TENM2: variants seen among roughly 807,000 people sequenced by gnomAD.
TENM2 encodes the protein teneurin-2.
TENM2 carries 52 observed loss-of-function variants against 245.2 expected under a neutral mutation model. The ratio of observed to expected loss-of-function variants is 0.21; its 90% CI spans 0.17 to 0.27. TENM2 has a LOEUF of 0.27. Ranked by LOEUF, TENM2 falls within the 10% of genes least tolerant of loss-of-function variation. TENM2 has a pLI of 1.00. For synonymous variants in TENM2, 1,363 were observed against 1,438.9 expected (o/e 0.95, Z 1.19); for missense variants, 3,046 against 3,666.8 (o/e 0.83, Z 4.37).
At chr5:168,220,821 G>A (rs1014173012) in intron 23 of TENM2, among the ~76,000 whole-genome samples, 2 of 152,186 alleles carry the variant, frequency 1.3e-5, no homozygotes, top group African/African-American at 4.8e-5. Context: ...TACTAGAAAA[G>A]TCTGTCCTGG....
intron 2 of TENM2, among the ~76,000 whole-genome samples, chr5:167,491,857 G>A (rs184300292): frequency 9.1e-4 from 139 of 152,098 alleles, no homozygotes; most frequent in Admixed American, 4.3e-3. Flanking sequence ...AAGTCATCAA[G>A]CGAATGAACA....
chr5:168,207,799 TG>T, intron 19 of TENM2, among the ~76,000 whole-genome samples: 1 of 152,314 alleles, frequency 6.6e-6, no homozygotes, highest in Non-Finnish European at 1.5e-5. Flanking sequence ...AATGTTTCCA[TG>T]GTTCTCTCAC....
chr5:167,297,941 T>C (rs2127730361), intron 1 of TENM2, among the ~76,000 whole-genome samples: 1 of 152,198 alleles, frequency 6.6e-6, no homozygotes, highest in East Asian at 1.9e-4. Flanking sequence ...TCATTTCTTT[T>C]GTGGTGGAAT....
At chr5:167,154,041 T>C in the TENM2 span, among the ~76,000 whole-genome samples, 1 of 152,204 alleles carries the variant, frequency 6.6e-6, no homozygotes, top group South Asian at 2.1e-4. Context: ...GGTCTCTTTG[T>C]GCTTGAAATG....
At chr5:168,035,123 T>A (rs1048283030) in intron 5 of TENM2, among the ~76,000 whole-genome samples, 8 of 152,216 alleles carry the variant, frequency 5.3e-5, no homozygotes, top group African/African-American at 1.9e-4. Context: ...TTTATGTTGA[T>A]TTTATGTTGA....
At chr5:167,576,812 C>A (rs754947416) in intron 2 of TENM2, among the ~76,000 whole-genome samples, 1 of 152,050 alleles carries the variant, frequency 6.6e-6, no homozygotes, top group East Asian at 1.9e-4. Context: ...ACTGTTTTCC[C>A]ACTGAATATT....
In TENM2 at chr5:168,247,981, T is replaced by C; in HGVS notation, c.7042T>C (p.Tyr2348His). The change falls in exon 27 of 29, where the codon TAC becomes CAC. Residue 2348 changes from tyrosine (Y) to histidine (H), a missense_variant. By Grantham distance (83) the Tyr-to-His change is moderately conservative. Transcript: ENST00000518659. This position sits in a 1 kb window ranked among gnomAD's most constrained non-coding sequence, Gnocchi z 7.8. ...CAACTCGGAGATTACCTCACTGTAC[T>C]ACGACCTCCAGGGCCACCTCTTTGC... 1.2e-6 allele frequency: 2 copies of C among 1,613,960 alleles called. No individual in the cohort carries two copies. The highest frequency in any genetic ancestry group is 2.2e-5 in the South Asian group (2 of 91,074).
At chr5:167,679,727 C>A (rs1756573807) in intron 2 of TENM2, among the ~76,000 whole-genome samples, 1 of 149,606 alleles carries the variant, frequency 6.7e-6, no homozygotes, top group Non-Finnish European at 1.5e-5. Context: ...TATTGTGGAC[C>A]AGTATTTTGC....
At chr5:167,002,666 CA>C in the TENM2 span, among the ~76,000 whole-genome samples, 13 of 143,004 alleles carry the variant, frequency 9.1e-5, no homozygotes, top group Admixed American at 3.5e-4. Context: ...ACCAAAAAAA[CA>C]AAAAAAAAAC....
intron 2 of TENM2, among the ~76,000 whole-genome samples, chr5:167,591,365 G>T (rs1775864645): frequency 6.6e-6 from 1 of 152,140 alleles, no homozygotes; most frequent in African/African-American, 2.4e-5. Flanking sequence ...ATATTATTTG[G>T]TTTGATGGTT....
chr5:167,898,877 G>A (rs1310603665), intron 3 of TENM2, among the ~76,000 whole-genome samples: 4 of 152,160 alleles, frequency 2.6e-5, no homozygotes, highest in Non-Finnish European at 1.5e-5. Context: ...TGGGAGGGAA[G>A]GAGATCTTCG....
the TENM2 span, among the ~76,000 whole-genome samples, chr5:167,262,509 T>C: frequency 1.3e-5 from 2 of 152,090 alleles, no homozygotes; most frequent in South Asian, 2.1e-4. Flanking sequence ...CAATAGTGCA[T>C]AATTGCTCCT....
intron 12 of TENM2, among the ~76,000 whole-genome samples, chr5:168,132,586 C>A (rs1754689477): frequency 6.6e-6 from 1 of 152,164 alleles, no homozygotes; most frequent in Admixed American, 6.5e-5. Flanking sequence ...GCCAAGCTTG[C>A]TGAGTCAATA....
At position 168,065,524 on chromosome 5, in the gene TENM2, G is replaced by A. The variant is rs369078339; in HGVS notation, c.1515+3259G>A. 9.9e-5 allele frequency among the ~76,000 whole-genome samples: 15 copies of A among 152,248 alleles called. No homozygotes were observed. The South Asian group carries it at 1.9e-3, about 19-fold the overall frequency. On this transcript the variant is annotated intron_variant, in intron 7 of 28. Transcript: ENST00000518659. ...GGGAAAACCCTTTGTAAACGAAAGCGCAATAGAAAGCTATGATATATGAGT... is the reference window on the plus strand; with the variant it reads ...GGGAAAACCCTTTGTAAACGAAAGCACAATAGAAAGCTATGATATATGAGT...
chr5:167,124,305 A>G, the TENM2 span, among the ~76,000 whole-genome samples: 9 of 152,242 alleles, frequency 5.9e-5, no homozygotes, highest in Admixed American at 6.5e-5. Context: ...TTCCTGGTCC[A>G]TCTTCCTAAT....
chr5:167,087,386 C>T, the TENM2 span, among the ~76,000 whole-genome samples: 2 of 152,182 alleles, frequency 1.3e-5, no homozygotes, highest in Non-Finnish European at 2.9e-5. Context: ...TAAACTGTAG[C>T]TCTGCCTTCC....
intron 2 of TENM2, among the ~76,000 whole-genome samples, chr5:167,837,907 C>G (rs751344214): frequency 6.6e-6 from 1 of 152,148 alleles, no homozygotes; most frequent in Non-Finnish European, 1.5e-5. Context: ...AAAACTGTCC[C>G]AGGGACCTTG....
intron 5 of TENM2, among the ~76,000 whole-genome samples, chr5:168,044,562 G>GC (rs1225681782): frequency 6.0e-5 from 9 of 151,144 alleles, no homozygotes; most frequent in African/African-American, 2.2e-4. Context: ...CCCCAAATCT[G>GC]CCCCCCGTGT....
At chr5:167,814,729 T>C (rs916815131) in intron 2 of TENM2, among the ~76,000 whole-genome samples, 3 of 151,856 alleles carry the variant, frequency 2.0e-5, no homozygotes, top group South Asian at 2.1e-4. Context: ...TATGTACAGC[T>C]AGCACATCCA....
Sources: allele counts gnomAD v4.1 joint callset (sites outside exome capture counted in the v4.1 genomes callset), GRCh38; gene constraint gnomAD v4.1.1; non-coding constraint Gnocchi (gnomAD v3.1); transcripts MANE v1.5; gene names NCBI Gene and HGNC (gene_info 2026-07-23, HGNC 2026-07-21).